MPDZ: variants seen among roughly 807,000 people sequenced by gnomAD.
MPDZ encodes the protein multiple PDZ domain crumbs cell polarity complex component.
Under a neutral mutation model 239.1 loss-of-function variants are expected in MPDZ, and 234 were observed. The ratio of observed to expected loss-of-function variants is 0.98; its 90% CI spans 0.88 to 1.09. MPDZ has a LOEUF of 1.09. MPDZ is among the 50% of genes least tolerant of loss of function. MPDZ has a pLI of 0.00. For synonymous variants in MPDZ, 1,048 were observed against 881.3 expected (o/e 1.19, Z -3.35); for missense variants, 3,175 against 2,510.0 (o/e 1.26, Z -5.66).
rs568085697 is a variant in MPDZ, at chr9:13,238,670, A to C, written c.183+8965T>G. 7.2e-5 allele frequency among the ~76,000 whole-genome samples: 11 copies of C among 152,312 alleles called. No homozygotes were observed. The South Asian group carries it at 2.3e-3, about 32-fold the overall frequency. The stretch of plus-strand genomic sequence containing the variant: ...CAACTAAACTTTAAGAAAACTCCAC[A>C]AATTTTGATGCACTATCAAAGAAGG... On this transcript the variant is annotated intron_variant, in intron 3 of 46. Coordinates refer to ENST00000319217, the MANE Select transcript of MPDZ (RefSeq NM_001378778.1).
At chr9:13,125,455 G>C in intron 34 of MPDZ, 65 bp from the exon 35 acceptor site, 1 of 1,407,688 alleles carries the variant, frequency 7.1e-7, no homozygotes, top group South Asian at 1.3e-5. Context: ...ATACCAATGA[G>C]TCACCATTAT....
chr9:13,202,253 C>T (rs911614183), intron 12 of MPDZ, among the ~76,000 whole-genome samples: 11 of 152,142 alleles, frequency 7.2e-5, no homozygotes, highest in African/African-American at 2.7e-4. Flanking sequence ...CTAGGGTAGG[C>T]TTACAGTGAG....
rs1415079077 is a variant in MPDZ, at chr9:13,158,104, A to C, written c.3366T>G (p.Ile1122Met). ...CCTCTTCTCGCTCTGGTAATTCTGG[A>C]ATGTCTCTGGTTAAAGAATTACACA... ...DIFSSYTGRD[I>M]PELPEREEGE... The change falls in exon 24 of 47, where the codon ATT becomes ATG. Residue 1122 changes from isoleucine (I) to methionine (M), a missense_variant. By Grantham distance (10) the Ile-to-Met change is conservative. Coordinates refer to ENST00000319217, the MANE Select transcript of MPDZ (RefSeq NM_001378778.1). The C allele has an allele frequency of 6.2e-7, 1 of 1,612,326 alleles. No individual in the cohort carries two copies. The highest frequency in any genetic ancestry group is 1.1e-5 in the South Asian group (1 of 90,978).
chr9:13,262,014 C>T (rs1244862327), intron 1 of MPDZ, among the ~76,000 whole-genome samples: 1 of 151,774 alleles, frequency 6.6e-6, no homozygotes, highest in African/African-American at 2.4e-5. Context: ...CACTGAACTC[C>T]AGCCTGGGCA....
intron 24 of MPDZ, among the ~76,000 whole-genome samples, chr9:13,153,219 A>T (rs558656301): frequency 1.3e-5 from 2 of 152,166 alleles, no homozygotes; most frequent in Admixed American, 1.3e-4. Flanking sequence ...AAATGAAAGC[A>T]GACACTGAGG....
intron 32 of MPDZ, among the ~76,000 whole-genome samples, chr9:13,131,346 T>TAAC (rs1321728771): frequency 1.3e-5 from 2 of 152,154 alleles, no homozygotes; most frequent in African/African-American, 4.8e-5. Context: ...ATAATAATAA[T>TAAC]AACTCACACT....
chr9:13,222,062 A>C (rs1959167967), intron 6 of MPDZ, among the ~76,000 whole-genome samples, 171 bp downstream of exon 6: 1 of 152,130 alleles, frequency 6.6e-6, no homozygotes, highest in Non-Finnish European at 1.5e-5. Context: ...TTTAGAACTT[A>C]GAAGCTTTAT....
At chr9:13,109,652 G>C in intron 45 of MPDZ, among the ~76,000 whole-genome samples, 1 of 152,158 alleles carries the variant, frequency 6.6e-6, no homozygotes, top group East Asian at 1.9e-4. Context: ...CATATTACAT[G>C]AAGTGGTAAC....
intron 25 of MPDZ, 67 bp from the exon 26 acceptor site, chr9:13,147,725 G>A (rs976916594): frequency 9.0e-6 from 10 of 1,108,244 alleles, no homozygotes; most frequent in African/African-American, 6.3e-5. Flanking sequence ...GTGTGGATAT[G>A]GAGTTTTAGG....
chr9:13,254,431 T>G (rs564511258), intron 1 of MPDZ, among the ~76,000 whole-genome samples: 4 of 152,312 alleles, frequency 2.6e-5, no homozygotes, highest in Admixed American at 6.5e-5. Flanking sequence ...AGGTACTAAA[T>G]CCCTCAACAC....
At chr9:13,152,592 T>C (rs965503968) in intron 24 of MPDZ, among the ~76,000 whole-genome samples, 5 of 152,068 alleles carry the variant, frequency 3.3e-5, no homozygotes, top group African/African-American at 9.7e-5. Flanking sequence ...CCTCTTTCTT[T>C]TGTAAATTCC....
Position 13,178,628 on chromosome 9 carries a change from T to C in MPDZ, c.2650-2211A>G, listed in dbSNP as rs565584489. Among the ~76,000 whole-genome samples the C allele has an allele frequency of 9.8e-5, 15 of 152,314 alleles. No homozygotes were observed. In the South Asian group the frequency reaches 2.9e-3, roughly 29 times the overall value. On this transcript the variant is annotated intron_variant, in intron 19 of 46. Transcript: ENST00000319217. ...GCATAAAGCATATGACGTTAATTGA[T>C]CTGGATTCACAGGAGCCTCCAAGAG...
At chr9:13,110,565 G>A in intron 44 of MPDZ, 71 bp downstream of exon 44, 1 of 1,008,278 alleles carries the variant, frequency 9.9e-7, no homozygotes, top group Non-Finnish European at 1.5e-6. Flanking sequence ...CATTTTTACT[G>A]CTTTAACATC....
chr9:13,165,457 A>T (rs1950961778), intron 22 of MPDZ: 1 of 1,546,120 alleles, frequency 6.5e-7, no homozygotes, highest in Non-Finnish European at 8.7e-7. Flanking sequence ...TGGTGTTAAC[A>T]AATGTCAATG....
At chr9:13,258,551 T>C (rs1969966309) in intron 1 of MPDZ, among the ~76,000 whole-genome samples, 1 of 152,214 alleles carries the variant, frequency 6.6e-6, no homozygotes, top group South Asian at 2.1e-4. Flanking sequence ...TAAATCCAAT[T>C]GTCCATAACA....
intron 3 of MPDZ, among the ~76,000 whole-genome samples, chr9:13,235,143 T>C (rs544790246): frequency 6.6e-6 from 1 of 152,214 alleles, no homozygotes; most frequent in African/African-American, 2.4e-5. Flanking sequence ...TGCACAGTAA[T>C]TGATGGTGGC....
chr9:13,185,825 C>CTG lies in MPDZ; in HGVS notation c.2481+443_2481+444dup, dbSNP rs148239249. Among the ~76,000 whole-genome samples the CTG allele has an allele frequency of 7.8e-3, 1,183 of 152,084 alleles. 15 individuals are homozygous for CTG. Among genetic ancestry groups the CTG allele is most frequent in the African/African-American group, 0.027 (1,133 of 41,510 alleles). On this transcript the variant is annotated intron_variant, in intron 18 of 46. Transcript: ENST00000319217. The stretch of plus-strand genomic sequence containing the variant: ...ACATGGGGTTTACCTTTCCATAAAA[C>CTG]TGGTGTTCTTAATAACTGAACCAAT...
intron 44 of MPDZ, 25 bp downstream of exon 44, chr9:13,110,611 A>T: frequency 6.4e-7 from 1 of 1,568,130 alleles, no homozygotes; most frequent in Non-Finnish European, 8.8e-7. Flanking sequence ...TATATTCTGA[A>T]TTATGCTTGG....
chr9:13,172,056 T>G (rs1951843083), intron 21 of MPDZ, among the ~76,000 whole-genome samples: 2 of 152,198 alleles, frequency 1.3e-5, no homozygotes, highest in Non-Finnish European at 2.9e-5. Context: ...TTTACATAGA[T>G]TTTTCAAGAT....
Sources: gnomAD v4.1 joint callset for allele counts (sites outside exome capture counted in the v4.1 genomes callset) on GRCh38, gnomAD v4.1.1 for gene constraint, MANE v1.5 for transcripts, NCBI Gene and HGNC (gene_info 2026-07-23, HGNC 2026-07-21) for gene names.